Variants in FHIT observed in about 807,000 individuals in gnomAD.
FHIT encodes bis(5'-adenosyl)-triphosphatase.
A neutral mutation model predicts 17.9 loss-of-function variants in FHIT; 19 were observed. That is an observed-to-expected ratio of 1.06 (90% confidence interval 0.74 to 1.56). The LOEUF (loss-of-function observed/expected upper bound fraction) is 1.56, where lower values mean the gene tolerates loss of function less well. Among genes scored for constraint, FHIT ranks in the 40% most tolerant of loss-of-function variants. The pLI is 0.00. For synonymous variants in FHIT, 81 were observed against 69.7 expected (o/e 1.16, Z -0.81); for missense variants, 248 against 189.2 (o/e 1.31, Z -1.82).
At chr3:59,839,161 G>A (rs1357183983) in intron 8 of FHIT, among the ~76,000 whole-genome samples, 2 of 151,386 alleles carry the variant, frequency 1.3e-5, no homozygotes, top group Non-Finnish European at 3.0e-5. Flanking sequence ...TACTAAAAAT[G>A]CAAAAAAATA....
chr3:59,855,549 TA>T (rs1157564025), intron 8 of FHIT, among the ~76,000 whole-genome samples: 1 of 152,140 alleles, frequency 6.6e-6, no homozygotes, highest in African/African-American at 2.4e-5. Context: ...TACAACTGAA[TA>T]ATAATGAAAT....
intron 8 of FHIT, among the ~76,000 whole-genome samples, chr3:59,810,851 A>T (rs559821279): frequency 5.3e-5 from 8 of 152,212 alleles, no homozygotes; most frequent in Non-Finnish European, 1.2e-4. Context: ...TTCTGAATTA[A>T]TAAGACTGAG....
intron 5 of FHIT, among the ~76,000 whole-genome samples, chr3:60,039,119 C>G (rs1025480388): frequency 3.3e-5 from 5 of 152,180 alleles, no homozygotes; most frequent in African/African-American, 7.2e-5. Context: ...GGGCATCCCT[C>G]TCTGGCTCCT....
At chr3:60,377,807 C>G (rs1700635475) in intron 5 of FHIT, among the ~76,000 whole-genome samples, 1 of 152,056 alleles carries the variant, frequency 6.6e-6, no homozygotes, top group African/African-American at 2.4e-5. Context: ...AGAAAATATC[C>G]TAGTGAGAGC....
chr3:59,781,752 T>C (rs1326355720), intron 8 of FHIT, among the ~76,000 whole-genome samples: 1 of 152,212 alleles, frequency 6.6e-6, no homozygotes, highest in Middle Eastern at 3.2e-3. Context: ...CATTTTTTTA[T>C]CTCTACCTGG....
intron 5 of FHIT, among the ~76,000 whole-genome samples, chr3:60,333,601 T>A (rs969169050): frequency 6.6e-6 from 1 of 152,170 alleles, no homozygotes; most frequent in Non-Finnish European, 1.5e-5. Flanking sequence ...TAATATTGCA[T>A]GTCATATATA....
At chr3:60,946,320 A>T (rs993628686) in intron 3 of FHIT, among the ~76,000 whole-genome samples, 1 of 152,196 alleles carries the variant, frequency 6.6e-6, no homozygotes, top group Non-Finnish European at 1.5e-5. Context: ...CAAGGGCACT[A>T]TTGGCATTTG....
intron 2 of FHIT, among the ~76,000 whole-genome samples, chr3:61,149,291 A>C (rs577218889): frequency 2.9e-4 from 44 of 152,270 alleles, no homozygotes; most frequent in African/African-American, 1.0e-3. Context: ...TGACAAGGAC[A>C]ACCTTCTGAT....
chr3:59,947,521 C>T (rs13066026), intron 7 of FHIT, among the ~76,000 whole-genome samples: 18 of 152,066 alleles, frequency 1.2e-4, no homozygotes, highest in African/African-American at 3.9e-4. Context: ...AGTTTAGCTC[C>T]GATTTTATTT....
At chr3:60,165,993 G>A (rs10048930) in intron 5 of FHIT, among the ~76,000 whole-genome samples, 44 of 151,962 alleles carry the variant, frequency 2.9e-4, no homozygotes, top group African/African-American at 1.1e-3. Context: ...TTTATCTACT[G>A]TTCCATAAAA....
chr3:60,495,471 T>C (rs2034263275), intron 5 of FHIT, among the ~76,000 whole-genome samples: 1 of 152,064 alleles, frequency 6.6e-6, no homozygotes, highest in South Asian at 2.1e-4. Context: ...TATGAGTTTT[T>C]ACTCCCAGAT....
chr3:61,070,318 G>C (rs776907457), intron 2 of FHIT, among the ~76,000 whole-genome samples: 1 of 152,206 alleles, frequency 6.6e-6, no homozygotes, highest in South Asian at 2.1e-4. Context: ...CAGAGCAAGA[G>C]GTAATTGGAT....
chr3:60,355,971 T>C (rs1352058155), intron 5 of FHIT, among the ~76,000 whole-genome samples: 1 of 152,100 alleles, frequency 6.6e-6, no homozygotes, highest in Admixed American at 6.5e-5. Context: ...TCAAGAAGCG[T>C]AAGGGAAATT....
At position 59,951,796 on chromosome 3, in the gene FHIT, A is replaced by G. The variant is rs531273919; in HGVS notation, c.280-29382T>C. On this transcript the variant is annotated intron_variant, in intron 7 of 9. Coordinates refer to ENST00000492590, the MANE Select transcript of FHIT (RefSeq NM_002012.4). The stretch of plus-strand genomic sequence containing the variant: ...CCCAGTTACATCACCCCACCAGCCC[A>G]GCATTCTCCTGGCTCACCTCTCTCC... 3.8e-4 allele frequency among the ~76,000 whole-genome samples: 58 copies of G among 152,252 alleles called. 1 individual carries two copies. Among genetic ancestry groups the G allele is most frequent in the South Asian group, 2.7e-3 (13 of 4,814 alleles).
intron 7 of FHIT, among the ~76,000 whole-genome samples, chr3:59,981,094 A>C (rs1012099863): frequency 4.6e-5 from 7 of 152,140 alleles, no homozygotes; most frequent in Non-Finnish European, 1.0e-4. Context: ...CCAACAAAAA[A>C]AACACTGGGT....
chr3:59,858,236 CTTTTTTTTT>C (rs563841299), intron 8 of FHIT, among the ~76,000 whole-genome samples: 10 of 84,496 alleles, frequency 1.2e-4, no homozygotes, highest in Admixed American at 5.8e-4. Flanking sequence ...TTCCCACCTT[CTTTTTTTTT>C]TTTTTTTTTT....
chr3:60,268,527 T>C (rs1348443442), intron 5 of FHIT, among the ~76,000 whole-genome samples: 1 of 152,224 alleles, frequency 6.6e-6, no homozygotes, highest in African/African-American at 2.4e-5. Context: ...GCTGGACATT[T>C]ATTGAGTAAG....
intron 3 of FHIT, among the ~76,000 whole-genome samples, chr3:60,918,097 A>G (rs1352778942): frequency 1.3e-5 from 2 of 152,162 alleles, no homozygotes; most frequent in African/African-American, 4.8e-5. Flanking sequence ...ACAATATTTG[A>G]TGGTTTTATA....
Position 60,504,207 on chromosome 3 carries a change from G to C in FHIT, c.103+32653C>G, listed in dbSNP as rs545812686. Among the ~76,000 whole-genome samples, 16 of 152,172 alleles carry C rather than the reference G, an allele frequency of 1.1e-4. No homozygotes were observed. In the South Asian group the frequency reaches 2.7e-3, roughly 26 times the overall value. On this transcript the variant is annotated intron_variant, in intron 5 of 9. Coordinates refer to ENST00000492590, the MANE Select transcript of FHIT (RefSeq NM_002012.4). The stretch of plus-strand genomic sequence containing the variant: ...TCCCAGCACTTTGGGCGGCCGAGGC[G>C]GGCAGATCATGAGGTCAGGAGATCG...
Sources: gnomAD v4.1 joint callset for allele counts (sites outside exome capture counted in the v4.1 genomes callset) on GRCh38, gnomAD v4.1.1 for gene constraint, MANE v1.5 for transcripts, NCBI Gene and HGNC (gene_info 2026-07-23, HGNC 2026-07-21) for gene names.